LRP1B: variants seen among roughly 807,000 people sequenced by gnomAD.
The protein encoded by LRP1B is LDL receptor related protein 1B.
In LRP1B, 217 loss-of-function variants were observed where a neutral mutation model predicts 556.6. That is an observed-to-expected ratio of 0.39 (90% CI 0.35 to 0.44). LRP1B has a LOEUF of 0.44. Ranked by LOEUF, LRP1B falls within the 20% of genes least tolerant of loss-of-function variation. The pLI is 1.00. For missense variants in LRP1B, 5,053 were observed against 5,620.8 expected (o/e 0.90, Z 3.23); for synonymous variants, 2,047 against 1,865.8 (o/e 1.10, Z -2.50).
At chr2:141,323,303 C>T (rs1559004832) in intron 3 of LRP1B, among the ~76,000 whole-genome samples, 2 of 151,966 alleles carry the variant, frequency 1.3e-5, no homozygotes, top group African/African-American at 4.8e-5. Context: ...GTAGTAGGAA[C>T]ACAAGTACAA....
chr2:141,383,892 G>A (rs1452757859), intron 3 of LRP1B, among the ~76,000 whole-genome samples: 1 of 152,126 alleles, frequency 6.6e-6, no homozygotes, highest in African/African-American at 2.4e-5. Flanking sequence ...TGGTACAAAA[G>A]TTTCAGTTAT....
intron 35 of LRP1B, among the ~76,000 whole-genome samples, chr2:140,726,155 C>T (rs1687586176): frequency 6.6e-6 from 1 of 152,076 alleles, no homozygotes; most frequent in South Asian, 2.1e-4. Context: ...TGAAATGCTA[C>T]ACAGCCCCTC....
At chr2:141,342,597 C>T (rs1370978092) in intron 3 of LRP1B, among the ~76,000 whole-genome samples, 1 of 151,692 alleles carries the variant, frequency 6.6e-6, no homozygotes, top group African/African-American at 2.4e-5. Context: ...GATAGCCGAA[C>T]TGAGCAAGCA....
intron 4 of LRP1B, 119 bp downstream of exon 4, chr2:141,254,399 CAAGA>C: frequency 1.0e-6 from 1 of 974,500 alleles, no homozygotes; most frequent in Non-Finnish European, 1.5e-6. Flanking sequence ...TTTTAAATCT[CAAGA>C]AAGAAAAGTT....
chr2:141,130,959 G>A (rs1280273861), intron 7 of LRP1B, among the ~76,000 whole-genome samples: 1 of 151,908 alleles, frequency 6.6e-6, no homozygotes, highest in African/African-American at 2.4e-5. Flanking sequence ...TCATTCATAA[G>A]TGGGAGTTGA....
In LRP1B at chr2:140,659,152, A is replaced by C. The variant is rs1479765376; in HGVS notation, c.6799+41098T>G. On this transcript the variant is annotated intron_variant, in intron 41 of 90. Transcript: ENST00000389484. ...TAGTGAACTGAAAATCTATTTAATAAAAGACTCTTTACATGTTATAAATCT... is the reference window on the plus strand; with the variant it reads ...TAGTGAACTGAAAATCTATTTAATACAAGACTCTTTACATGTTATAAATCT... Among the ~76,000 whole-genome samples the C allele has an allele frequency of 4.9e-5, 7 of 142,910 alleles. No individual in the cohort carries two copies. In the South Asian group the frequency reaches 6.7e-4, roughly 14 times the overall value. The allele number at this position is 142,910 out of a possible 152,430, so 93.8% of individuals were successfully genotyped here. A position where few individuals can be genotyped will look rare whatever the true frequency, so the allele number is the denominator to read the frequency against.
intron 31 of LRP1B, among the ~76,000 whole-genome samples, chr2:140,831,688 A>G (rs1691722118): frequency 6.6e-6 from 1 of 152,206 alleles, no homozygotes; most frequent in Non-Finnish European, 1.5e-5. Flanking sequence ...TATGAAACAA[A>G]AAGGTTTCTG....
intron 35 of LRP1B, among the ~76,000 whole-genome samples, chr2:140,760,394 C>T (rs934422762): frequency 2.6e-5 from 4 of 152,070 alleles, no homozygotes; most frequent in Admixed American, 6.6e-5. Flanking sequence ...ACAATGTTTC[C>T]AGATATTGCA....
intron 1 of LRP1B, among the ~76,000 whole-genome samples, chr2:142,065,070 G>T (rs1048400237): frequency 6.6e-6 from 1 of 151,468 alleles, no homozygotes; most frequent in Non-Finnish European, 1.5e-5. Context: ...TAGGATGTTT[G>T]TTGAAAGCCA....
At chr2:141,477,510 A>G (rs903322153) in intron 3 of LRP1B, among the ~76,000 whole-genome samples, 2 of 152,166 alleles carry the variant, frequency 1.3e-5, no homozygotes, top group East Asian at 1.9e-4. Context: ...CTGAGTTCCT[A>G]CAATGTACCT....
intron 1 of LRP1B, among the ~76,000 whole-genome samples, chr2:141,909,094 A>G (rs1699835702): frequency 6.6e-6 from 1 of 151,948 alleles, no homozygotes; most frequent in Non-Finnish European, 1.5e-5. Flanking sequence ...TTAGGGAAAA[A>G]CCTGTTTAGC....
chr2:140,441,939 C>T (rs574491229), intron 66 of LRP1B, among the ~76,000 whole-genome samples: 19 of 151,956 alleles, frequency 1.3e-4, no homozygotes, highest in South Asian at 8.3e-4. Flanking sequence ...TCCATTTCTG[C>T]GATAACAATT....
chr2:141,517,109 C>G (rs906910236), intron 2 of LRP1B, among the ~76,000 whole-genome samples: 2 of 150,388 alleles, frequency 1.3e-5, no homozygotes, highest in Middle Eastern at 3.5e-3. Flanking sequence ...TGTATGGCTA[C>G]AGCATAAATA....
chr2:140,707,178 C>T (rs1686869949), intron 37 of LRP1B, among the ~76,000 whole-genome samples: 1 of 152,018 alleles, frequency 6.6e-6, no homozygotes, highest in South Asian at 2.1e-4. Flanking sequence ...CCATTTCTTC[C>T]TACTTTTCTG....
chr2:140,958,848 A>C (rs1274073398), intron 18 of LRP1B, among the ~76,000 whole-genome samples: 1 of 151,638 alleles, frequency 6.6e-6, no homozygotes, highest in Admixed American at 6.6e-5. Context: ...AAAAGTGAGA[A>C]CATTTTAGAA....
At chr2:140,399,174 C>CACACACACACACACACACACACACACACA (rs1684385857) in intron 66 of LRP1B, among the ~76,000 whole-genome samples, 1 of 148,924 alleles carries the variant, frequency 6.7e-6, no homozygotes, top group Non-Finnish European at 1.5e-5. Context: ...TACACACACA[C>CACACACACACACACACACACACACACACA]ACACACACAC....
rs536275591 is a variant in LRP1B, at chr2:141,693,315, C to T, written c.205+116964G>A. Among the ~76,000 whole-genome samples, 12 of 152,092 alleles carry T rather than the reference C, an allele frequency of 7.9e-5. No individual in the cohort carries two copies. The South Asian group carries it at 1.7e-3, about 21-fold the overall frequency. On this transcript the variant is annotated intron_variant, in intron 2 of 90. Coordinates refer to ENST00000389484, the MANE Select transcript of LRP1B (RefSeq NM_018557.3). ...GTGGGCATCAGTTATCTGGCAACAA[C>T]CGCAAAATGAGAGGATTTGTCAACA...
chr2:141,640,824 A>G (rs1689302328), intron 2 of LRP1B, among the ~76,000 whole-genome samples: 1 of 151,468 alleles, frequency 6.6e-6, no homozygotes, highest in Non-Finnish European at 1.5e-5. Flanking sequence ...AAAAAAATAC[A>G]GTAAGAAAGA....
At chr2:141,802,031 G>A (rs1321533639) in intron 2 of LRP1B, among the ~76,000 whole-genome samples, 1 of 152,058 alleles carries the variant, frequency 6.6e-6, no homozygotes, top group East Asian at 1.9e-4. Context: ...AATCTACAAG[G>A]TTGGTTTCCT....
Sources: gnomAD v4.1 joint callset for allele counts (sites outside exome capture counted in the v4.1 genomes callset) on GRCh38, gnomAD v4.1.1 for gene constraint, MANE v1.5 for transcripts, NCBI Gene and HGNC (gene_info 2026-07-23, HGNC 2026-07-21) for gene names.